The following LRRIQ1 variants were observed in gnomAD, a reference collection of about 807,000 sequenced individuals.
The protein encoded by LRRIQ1 is leucine rich repeats and IQ motif containing 1.
A neutral mutation model predicts 211.9 loss-of-function variants in LRRIQ1; 210 were observed. The ratio of observed to expected loss-of-function variants is 0.99; its 90% CI spans 0.89 to 1.11. LRRIQ1 has a LOEUF of 1.11. LRRIQ1 is among the 50% of genes most tolerant of loss of function. The pLI is 0.00. For synonymous variants in LRRIQ1, 699 were observed against 650.1 expected, an observed-to-expected ratio of 1.08 and a Z score of -1.14; for missense variants, 2,136 against 1,939.5, an observed-to-expected ratio of 1.10 and a Z score of -1.90.
chr12:85,204,381 G>A (rs1893443361), intron 24 of LRRIQ1, among the ~76,000 whole-genome samples: 1 of 152,162 alleles, frequency 6.6e-6, no homozygotes, highest in Non-Finnish European at 1.5e-5. Context: ...GCACCACCTA[G>A]TATAGCTGTG....
rs146885452 is a variant in LRRIQ1, at chr12:85,042,170, C to T, written c.244+1569C>T. On this transcript the variant is annotated intron_variant, in intron 3 of 26. Transcript: ENST00000393217. ...AAAACACAATTGTAGAAATTAGTTA[C>T]ATGAACTGAGATACAACTACAGTTA... Among the ~76,000 whole-genome samples, 529 of 151,744 alleles carry T rather than the reference C, an allele frequency of 3.5e-3. 4 individuals carry two copies. The highest frequency in any genetic ancestry group is 0.012 in the African/African-American group (496 of 41,486).
At chr12:85,175,286 A>G (rs962390537) in intron 24 of LRRIQ1, among the ~76,000 whole-genome samples, 1 of 152,180 alleles carries the variant, frequency 6.6e-6, no homozygotes. Context: ...TCAAGATGAC[A>G]GCTCACACGG....
Position 85,244,798 on chromosome 12 carries a change from G to C in LRRIQ1, c.5026G>C (p.Val1676Leu). Residue 1676 changes from valine (V) to leucine (L), a missense_variant, in exon 27 of 27, where the codon GTA (valine) becomes CTA (leucine). Coordinates refer to ENST00000393217, the MANE Select transcript of LRRIQ1 (RefSeq NM_001079910.2). ...GGRVQLVARL[V>L]SREDTDLDLF... ...CTTCCATTGCTCCCAGGCAAGACTT[G>C]TAAGCAGAGAAGACACGGATTTAGA... is the stretch of plus-strand genomic sequence containing the variant. 1.2e-6 allele frequency: 2 copies of C among 1,611,162 alleles called. No homozygotes were observed. The highest frequency in any genetic ancestry group is 1.7e-6 in the Non-Finnish European group (2 of 1,178,048).
chr12:85,155,842 A>G (rs1019603824), intron 23 of LRRIQ1, among the ~76,000 whole-genome samples: 1 of 151,740 alleles, frequency 6.6e-6, no homozygotes, highest in Non-Finnish European at 1.5e-5. Flanking sequence ...TGGGGGTGAG[A>G]ACATTTTTTA....
At chr12:85,201,526 G>A (rs536290937) in intron 24 of LRRIQ1, among the ~76,000 whole-genome samples, 2 of 152,116 alleles carry the variant, frequency 1.3e-5, no homozygotes, top group Admixed American at 1.3e-4. Context: ...GTGGCTGAAT[G>A]TGTCGAGGAC....
intron 24 of LRRIQ1, among the ~76,000 whole-genome samples, chr12:85,219,797 A>G (rs1894313945): frequency 6.6e-6 from 1 of 152,134 alleles, no homozygotes; most frequent in African/African-American, 2.4e-5. Context: ...TTTAAAGAAT[A>G]GGGATGTTGC....
At chr12:85,231,296 A>C (rs187861976) in intron 25 of LRRIQ1, among the ~76,000 whole-genome samples, 1 of 152,176 alleles carries the variant, frequency 6.6e-6, no homozygotes, top group Non-Finnish European at 1.5e-5. Flanking sequence ...AATGTGAAAA[A>C]TCATATGGAA....
intron 26 of LRRIQ1, among the ~76,000 whole-genome samples, chr12:85,236,328 T>G (rs1895170324): frequency 6.6e-6 from 1 of 152,168 alleles, no homozygotes; most frequent in Non-Finnish European, 1.5e-5. Flanking sequence ...GGTATATGAC[T>G]GCTGTTTTCA....
At chr12:85,271,613 T>TC in the LRRIQ1 span, among the ~76,000 whole-genome samples, 1 of 152,132 alleles carries the variant, frequency 6.6e-6, no homozygotes, top group Non-Finnish European at 1.5e-5. Flanking sequence ...ATTTTGAAGA[T>TC]CTGGTCTTCC....
exon 2 of LRRIQ1, chr12:85,264,424 A>T (rs373065593): frequency 6.6e-6 from 1 of 152,032 alleles, no homozygotes; most frequent in Non-Finnish European, 1.5e-5. Context: ...GTAGGTAATG[A>T]TTGATATATA....
chr12:85,057,079 G>T lies in LRRIQ1; in HGVS notation c.2286G>T (p.Lys762Asn), dbSNP rs1161624776. The T allele has an allele frequency of 1.2e-6, 2 of 1,608,618 alleles. No homozygotes were observed. Among genetic ancestry groups the T allele is most frequent in the African/African-American group, 1.3e-5 (1 of 74,526 alleles). Residue 762 changes from lysine (K) to asparagine (N), a missense_variant, in exon 8 of 27, where the codon AAG becomes AAT. Transcript: ENST00000393217. ...WLEIFKQNQQ[K>N]KIVRRKRPVK... ...AAATTTTCAAGCAAAATCAACAAAA[G>T]AAAATTGTTAGAAGAAAGAGACCTG...
rs114049231 is a variant in LRRIQ1, at chr12:85,102,194, T to C, written c.3210-1810T>C. Reference sequence around the variant, plus strand: ...TGCTTGAATAGGAAATGTCATAAAATTGAGACTTAAACCCACTAATTATGT... The same window carrying C: ...TGCTTGAATAGGAAATGTCATAAAACTGAGACTTAAACCCACTAATTATGT... On this transcript the variant is annotated intron_variant, in intron 13 of 26. Coordinates refer to ENST00000393217, the MANE Select transcript of LRRIQ1 (RefSeq NM_001079910.2). Among the ~76,000 whole-genome samples the C allele has an allele frequency of 7.6e-3, 1,154 of 151,752 alleles. 19 individuals carry two copies. Among genetic ancestry groups the C allele is most frequent in the African/African-American group, 0.026 (1,086 of 41,498 alleles).
In LRRIQ1 at chr12:85,104,091, A is replaced by AAT; in HGVS notation, c.3283+23_3283+24dup. 4.5e-6 allele frequency: 6 copies of AAT among 1,327,628 alleles called. No individual in the cohort carries two copies. The highest frequency in any genetic ancestry group is 5.0e-6 in the Non-Finnish European group (5 of 992,906). The allele number at this position is 1,327,628 out of a possible 1,614,324, so 82.2% of individuals were successfully genotyped here. A position where few individuals can be genotyped will look rare whatever the true frequency, so the allele number is the denominator to read the frequency against. ...ATTGTCTTTCTGGTAAGTTTAGCAT[A>AAT]ATATATATATTTTAATAATAGACTT... is the stretch of plus-strand genomic sequence containing the variant. On this transcript the variant is annotated intron_variant, in intron 14 of 26. Transcript: ENST00000393217.
At chr12:85,098,323 A>G (rs775731050) in intron 11 of LRRIQ1, 32 bp from the exon 12 acceptor site, 10 of 1,433,566 alleles carry the variant, frequency 7.0e-6, no homozygotes, top group African/African-American at 1.4e-5. Context: ...AGACTGTATG[A>G]CACAGGTGAT....
Position 85,128,016 on chromosome 12 carries a change from G to C in LRRIQ1, c.4192G>C (p.Ala1398Pro). 1.2e-6 allele frequency: 2 copies of C among 1,609,130 alleles called. No individual in the cohort carries two copies. Among genetic ancestry groups the C allele is most frequent in the Non-Finnish European group, 1.7e-6 (2 of 1,175,580 alleles). ...IVNIRKQREK[A>P]AILIQAVWKG... The stretch of plus-strand genomic sequence containing the variant: ...GAATATCCGAAAACAGAGGGAGAAG[G>C]CTGCTATTCTTATTCAGGTTAATTT... Residue 1398 changes from alanine to proline, a missense_variant, in exon 18 of 27, where the codon GCT (alanine) becomes CCT (proline). Coordinates refer to ENST00000393217, the MANE Select transcript of LRRIQ1 (RefSeq NM_001079910.2).
At chr12:85,169,291 G>A (rs1309976265) in intron 24 of LRRIQ1, among the ~76,000 whole-genome samples, 1 of 152,084 alleles carries the variant, frequency 6.6e-6, no homozygotes, top group African/African-American at 2.4e-5. Context: ...AGGGAGAGAG[G>A]AACCTGGAGA....
intron 24 of LRRIQ1, among the ~76,000 whole-genome samples, chr12:85,203,730 G>T (rs1324360870): frequency 2.0e-5 from 3 of 152,152 alleles, no homozygotes; most frequent in African/African-American, 4.8e-5. Context: ...TCTGGTGGAA[G>T]AAATTTCTAA....
intron 24 of LRRIQ1, among the ~76,000 whole-genome samples, chr12:85,190,075 ATG>A (rs1892425614): frequency 7.0e-6 from 1 of 142,526 alleles, no homozygotes; most frequent in African/African-American, 2.5e-5. Flanking sequence ...TATACATAAT[ATG>A]TAATATAGTT....
chr12:85,206,282 C>T (rs141527020), intron 24 of LRRIQ1, among the ~76,000 whole-genome samples: 4 of 152,300 alleles, frequency 2.6e-5, no homozygotes, highest in African/African-American at 9.6e-5. Context: ...GGGGTGCTGG[C>T]AGGCACTGGT....
Sources: gnomAD v4.1 joint callset for allele counts (sites outside exome capture counted in the v4.1 genomes callset) on GRCh38, gnomAD v4.1.1 for gene constraint, MANE v1.5 for transcripts, NCBI Gene and HGNC (gene_info 2026-07-23, HGNC 2026-07-21) for gene names.